The following AFG2A variants were observed in gnomAD, a reference collection of about 807,000 sequenced individuals.
AFG2A encodes the protein ATPase family gene 2 protein homolog A.
the AFG2A span, among the ~76,000 whole-genome samples, chr4:123,080,164 G>T: frequency 6.6e-6 from 1 of 152,138 alleles, no homozygotes; most frequent in Non-Finnish European, 1.5e-5. Context: ...GGTATTTAGC[G>T]ATGAAGCCTT....
the AFG2A span, among the ~76,000 whole-genome samples, chr4:123,287,853 G>A: frequency 2.0e-5 from 3 of 152,260 alleles, no homozygotes; most frequent in Middle Eastern, 3.4e-3. Context: ...AAACCTTGCC[G>A]AGAAGGTGGC....
the AFG2A span, among the ~76,000 whole-genome samples, chr4:123,133,229 G>T: frequency 6.6e-6 from 1 of 152,180 alleles, no homozygotes; most frequent in Admixed American, 6.5e-5. Context: ...AAGAGGTTCA[G>T]GCAAGGGGAT....
the AFG2A span, among the ~76,000 whole-genome samples, chr4:123,073,728 A>G: frequency 6.6e-6 from 1 of 152,304 alleles, no homozygotes; most frequent in South Asian, 2.1e-4. Context: ...TGTCAGGTCA[A>G]CTAAAGAAAA....
At chr4:122,963,043 G>A in the AFG2A span, among the ~76,000 whole-genome samples, 1 of 152,298 alleles carries the variant, frequency 6.6e-6, no homozygotes, top group East Asian at 1.9e-4. Flanking sequence ...ACATGGTGAA[G>A]CTGTAGAAAG....
the AFG2A span, among the ~76,000 whole-genome samples, chr4:123,234,251 G>C: frequency 6.6e-6 from 1 of 152,028 alleles, no homozygotes; most frequent in Non-Finnish European, 1.5e-5. Flanking sequence ...CAATCTGACG[G>C]TATAAAATTA....
the AFG2A span, among the ~76,000 whole-genome samples, chr4:123,003,159 C>T: frequency 6.6e-6 from 1 of 152,230 alleles, no homozygotes; most frequent in Non-Finnish European, 1.5e-5. Flanking sequence ...GCTTCATCAG[C>T]TCCTTTAAGC....
the AFG2A span, among the ~76,000 whole-genome samples, chr4:123,204,440 C>T: frequency 7.2e-5 from 11 of 152,250 alleles, no homozygotes; most frequent in African/African-American, 2.6e-4. Flanking sequence ...TTTTAATTTG[C>T]ATTTCTCTAA....
chr4:122,934,260 C>T, the AFG2A span: 7 of 1,614,156 alleles, frequency 4.3e-6, no homozygotes, highest in Non-Finnish European at 5.9e-6. Flanking sequence ...AACAGTCCAG[C>T]ATGGAAACCA....
chr4:123,148,389 G>A, the AFG2A span, among the ~76,000 whole-genome samples: 1 of 152,202 alleles, frequency 6.6e-6, no homozygotes, highest in Admixed American at 6.5e-5. Flanking sequence ...CCGGGGAGTA[G>A]TGAAGAGTGG....
At chr4:123,005,241 C>T in the AFG2A span, among the ~76,000 whole-genome samples, 1 of 152,106 alleles carries the variant, frequency 6.6e-6, no homozygotes, top group African/African-American at 2.4e-5. Flanking sequence ...ACCTCTGCCT[C>T]CTGGGTTCAA....
the AFG2A span, among the ~76,000 whole-genome samples, chr4:123,190,300 G>A: frequency 6.6e-6 from 1 of 152,128 alleles, no homozygotes; most frequent in Non-Finnish European, 1.5e-5. Flanking sequence ...TAACACTTTT[G>A]GCCTCATACT....
At chr4:123,046,690 G>T in the AFG2A span, among the ~76,000 whole-genome samples, 1 of 152,068 alleles carries the variant, frequency 6.6e-6, no homozygotes, top group African/African-American at 2.4e-5. Context: ...GCAGTAAATT[G>T]TTGTTAACTA....
chr4:123,038,561 G>A, the AFG2A span, among the ~76,000 whole-genome samples: 1 of 152,054 alleles, frequency 6.6e-6, no homozygotes, highest in African/African-American at 2.4e-5. Flanking sequence ...CCTTGGTAAT[G>A]AAATTGCTGT....
the AFG2A span, among the ~76,000 whole-genome samples, chr4:122,930,582 T>A: frequency 6.6e-6 from 1 of 152,224 alleles, no homozygotes; most frequent in African/African-American, 2.4e-5. Flanking sequence ...GTACCGGCTG[T>A]ATACAGAAGC....
chr4:123,245,688 G>T, the AFG2A span, among the ~76,000 whole-genome samples: 1 of 152,114 alleles, frequency 6.6e-6, no homozygotes, highest in African/African-American at 2.4e-5. Context: ...GCTGTCAAAT[G>T]CATCAAGTCT....
chr4:123,278,896 A>G, the AFG2A span, among the ~76,000 whole-genome samples: 1 of 152,150 alleles, frequency 6.6e-6, no homozygotes, highest in Non-Finnish European at 1.5e-5. Context: ...TTTCTTTGGT[A>G]TGTACATTCC....
At chr4:123,204,867 T>C in the AFG2A span, among the ~76,000 whole-genome samples, 84,350 of 151,836 alleles carry the variant, frequency 0.56, 26,505 homozygotes, top group Non-Finnish European at 0.69. Flanking sequence ...GAGGCACGTT[T>C]TGAAGTCCAA....
At chr4:123,161,737 G>A in the AFG2A span, among the ~76,000 whole-genome samples, 1 of 152,140 alleles carries the variant, frequency 6.6e-6, no homozygotes, top group Non-Finnish European at 1.5e-5. Flanking sequence ...GCTCTGACTG[G>A]ATTAGAAGAA....
chr4:123,067,558 A>G, the AFG2A span, among the ~76,000 whole-genome samples: 1 of 152,012 alleles, frequency 6.6e-6, no homozygotes, highest in South Asian at 2.1e-4. Flanking sequence ...GAACAAATTT[A>G]CATGCCTACC....
Sources: gnomAD v4.1 joint callset for allele counts (sites outside exome capture counted in the v4.1 genomes callset) on GRCh38, gnomAD v4.1.1 for gene constraint, MANE v1.5 for transcripts, NCBI Gene and HGNC (gene_info 2026-07-23, HGNC 2026-07-21) for gene names.